The following EIF3E variants were observed in gnomAD, a reference collection of about 807,000 sequenced individuals.
The protein encoded by EIF3E is eIF-3 p48.
A neutral mutation model predicts 59.3 loss-of-function variants in EIF3E; 25 were observed. The observed-to-expected ratio is 0.42, with a 90% CI of 0.31 to 0.59. The LOEUF is 0.59. EIF3E is among the 20% of genes least tolerant of loss of function. The pLI is 0.15. For missense variants in EIF3E, 317 were observed against 534.3 expected, an observed-to-expected ratio of 0.59 and a Z score of 4.01; for synonymous variants, 176 against 170.2, an observed-to-expected ratio of 1.03 and a Z score of -0.26.
intron 8 of EIF3E, 120 bp from the exon 9 acceptor site, chr8:108,216,633 C>G: frequency 2.9e-6 from 2 of 695,218 alleles, no homozygotes; most frequent in South Asian, 3.6e-5. Flanking sequence ...GCCAAATTAC[C>G]TAGCATCTTC....
Position 108,240,181 on chromosome 8 carries a change from A to C in EIF3E, c.206-106T>G. On this transcript the variant is annotated intron_variant, in intron 2 of 12. Transcript: ENST00000220849. ...TTCAGTGTATTTAAACTATACATAT[A>C]TTTATTTACCCCCAATATATTCATA... The C allele has an allele frequency of 3.4e-6, 3 of 881,788 alleles. No individual in the cohort carries two copies. In the South Asian group the frequency reaches 4.0e-5, roughly 12 times the overall value. 54.6% of individuals were successfully genotyped at this position (881,788 alleles called of 1,614,324 possible).
chr8:108,242,738 A>G (rs1775040580), intron 1 of EIF3E: 1 of 947,448 alleles, frequency 1.1e-6, no homozygotes, highest in Non-Finnish European at 1.3e-6. Context: ...TGAAATGGCT[A>G]AAAGATAGGC....
intron 7 of EIF3E, 75 bp downstream of exon 7, chr8:108,228,192 A>G: frequency 7.2e-7 from 1 of 1,397,914 alleles, no homozygotes; most frequent in Non-Finnish European, 9.5e-7. Context: ...GATAGAAAAA[A>G]GTATATTTTA....
At chr8:108,234,008 G>A (rs969826817) in intron 5 of EIF3E, among the ~76,000 whole-genome samples, 10 of 151,964 alleles carry the variant, frequency 6.6e-5, no homozygotes, top group East Asian at 3.9e-4. Flanking sequence ...GAGTGAGAAC[G>A]AAGTACATCA....
chr8:108,232,016 C>A (rs1389989379), intron 5 of EIF3E: 3 of 151,580 alleles, frequency 2.0e-5, no homozygotes, highest in Non-Finnish European at 2.9e-5. Flanking sequence ...AATCAACCAC[C>A]AGAAAAGTAT....
At chr8:108,203,624 T>C (rs1815038444) in intron 10 of EIF3E, 121 bp from the exon 11 acceptor site, 1 of 733,746 alleles carries the variant, frequency 1.4e-6, no homozygotes, top group South Asian at 1.7e-5. Flanking sequence ...CACCCTTCTC[T>C]TATATACCAT....
chr8:108,214,886 C>G (rs942853887), intron 9 of EIF3E, among the ~76,000 whole-genome samples, 170 bp from the exon 10 acceptor site: 7 of 152,112 alleles, frequency 4.6e-5, no homozygotes, highest in African/African-American at 1.4e-4. Context: ...AAGTAGTAAA[C>G]GAATACCACA....
chr8:108,248,670 C>G lies in EIF3E; in HGVS notation c.33G>C (p.Ala11=), dbSNP rs749704356. 60 of 1,614,020 alleles carry G rather than the reference C, an allele frequency of 3.7e-5. No individual in the cohort carries two copies. Among genetic ancestry groups the G allele is most frequent in the Admixed American group, 2.3e-4 (14 of 59,996 alleles). The change falls in exon 1 of 13, where the codon GCG becomes GCC. Residue 11 remains alanine (A), a synonymous_variant. Coordinates refer to ENST00000220849, the MANE Select transcript of EIF3E (RefSeq NM_001568.3). MAEYDLTTRI[A]HFLDRHLVFP... The stretch of plus-strand genomic sequence containing the variant: ...AGACTAGATGCCGATCCAAAAAGTG[C>G]GCGATGCGAGTAGTCAAGTCGTACT...
intron 5 of EIF3E, among the ~76,000 whole-genome samples, chr8:108,233,050 C>T (rs1205716863): frequency 6.6e-6 from 1 of 152,194 alleles, no homozygotes; most frequent in Non-Finnish European, 1.5e-5. Context: ...TCAACTTTTG[C>T]TCTCCTAAAT....
chr8:108,247,861 A>G (rs1815976877), intron 1 of EIF3E, among the ~76,000 whole-genome samples: 1 of 152,226 alleles, frequency 6.6e-6, no homozygotes, highest in Non-Finnish European at 1.5e-5. Context: ...AAGTCCAATA[A>G]AACTTTTAGG....
At chr8:108,221,352 A>G (rs916134839) in intron 7 of EIF3E, 24 of 152,152 alleles carry the variant, frequency 1.6e-4, no homozygotes, top group African/African-American at 5.8e-4. Flanking sequence ...TTGTGAAAAA[A>G]TTCTGCTGGG....
chr8:108,223,002 T>C (rs1445655754), intron 7 of EIF3E, among the ~76,000 whole-genome samples: 1 of 152,120 alleles, frequency 6.6e-6, no homozygotes, highest in Admixed American at 6.6e-5. Context: ...ACACAGAAAA[T>C]TTAATAATCA....
rs897231021 is a variant in EIF3E, at chr8:108,231,198, T to C, written c.472-2003A>G. Among the ~76,000 whole-genome samples, 3 of 152,284 alleles carry C rather than the reference T, an allele frequency of 2.0e-5. No homozygotes were observed. In the South Asian group the frequency reaches 6.2e-4, roughly 32 times the overall value. Reference sequence around the variant, plus strand: ...TTACAAAGGATAAAATGTTTAATTCTTATAAAGGATATCTGAATATAAAAA... The same window carrying C: ...TTACAAAGGATAAAATGTTTAATTCCTATAAAGGATATCTGAATATAAAAA... On this transcript the variant is annotated intron_variant, in intron 5 of 12. Coordinates refer to ENST00000220849, the MANE Select transcript of EIF3E (RefSeq NM_001568.3).
chr8:108,217,088 T>G (rs1446921232), intron 8 of EIF3E, among the ~76,000 whole-genome samples: 3 of 152,150 alleles, frequency 2.0e-5, no homozygotes, highest in Non-Finnish European at 4.4e-5. Flanking sequence ...ATACACATAA[T>G]GTATATATTA....
At chr8:108,227,672 A>C (rs1175617983) in intron 7 of EIF3E, 2 of 152,252 alleles carry the variant, frequency 1.3e-5, no homozygotes, top group African/African-American at 4.8e-5. Context: ...AAACATCTAA[A>C]GAGTTTCCAT....
At chr8:108,202,908 A>AAGT (rs1815019618) in intron 12 of EIF3E, 75 bp downstream of exon 12, 1 of 1,475,428 alleles carries the variant, frequency 6.8e-7, no homozygotes, top group Non-Finnish European at 9.0e-7. Context: ...CAACTCATCA[A>AAGT]TACACTTTGA....
chr8:108,204,312 AC>A (rs762188685), intron 10 of EIF3E, among the ~76,000 whole-genome samples: 2 of 152,130 alleles, frequency 1.3e-5, no homozygotes, highest in Non-Finnish European at 2.9e-5. Context: ...GTGCCCATCA[AC>A]TAATGAGTGG....
intron 9 of EIF3E, among the ~76,000 whole-genome samples, chr8:108,215,533 GTGTGAA>G (rs1162234187): frequency 1.3e-5 from 2 of 152,112 alleles, no homozygotes; most frequent in Admixed American, 6.5e-5. Context: ...CAGGAGAATG[GTGTGAA>G]CCCGGGAGGT....
chr8:108,230,431 A>G (rs1356597648), intron 5 of EIF3E, among the ~76,000 whole-genome samples: 1 of 152,204 alleles, frequency 6.6e-6, no homozygotes, highest in Non-Finnish European at 1.5e-5. Flanking sequence ...TCGCAGAGAT[A>G]GGTATACAGA....
Sources: allele counts gnomAD v4.1 joint callset (sites outside exome capture counted in the v4.1 genomes callset), GRCh38; gene constraint gnomAD v4.1.1; transcripts MANE v1.5; gene names NCBI Gene and HGNC (gene_info 2026-07-23, HGNC 2026-07-21).